PIAS1: variants seen among roughly 807,000 people sequenced by gnomAD.
PIAS1 encodes the protein protein inhibitor of activated STAT 1.
Under a neutral mutation model 71.3 loss-of-function variants are expected in PIAS1, and 6 were observed. That is an observed-to-expected ratio of 0.08 (90% confidence interval 0.05 to 0.17). PIAS1 has a LOEUF of 0.17. PIAS1 is among the 10% of genes least tolerant of loss of function. The probability of loss-of-function intolerance (pLI) is 1.00; values close to 1 mark genes in which losing one functional copy is unlikely to be tolerated. For synonymous variants in PIAS1, 303 were observed against 292.9 expected, an observed-to-expected ratio of 1.03 and a Z score of -0.35; for missense variants, 555 against 793.6, an observed-to-expected ratio of 0.70 and a Z score of 3.61.
intron 2 of PIAS1, among the ~76,000 whole-genome samples, chr15:68,090,407 A>G (rs986602143): frequency 1.3e-5 from 2 of 150,054 alleles, no homozygotes; most frequent in Non-Finnish European, 3.0e-5. Flanking sequence ...AGGTCTCATT[A>G]TGTTGCCCAG....
At position 68,167,640 on chromosome 15, in the gene PIAS1, A is replaced by G. The variant is rs756860162; in HGVS notation, c.1008+2836A>G. The stretch of plus-strand genomic sequence containing the variant: ...CGTGGAATTGATAGAAGAAAAGAAG[A>G]TAAACTCTGGAAATGTATTTATGAA... On this transcript the variant is annotated intron_variant, in intron 8 of 13. Coordinates refer to ENST00000249636, the MANE Select transcript of PIAS1 (RefSeq NM_016166.3). The surrounding 1 kb of genome is among the most constrained non-coding windows in gnomAD (Gnocchi z 4.4). 1.4e-4 allele frequency among the ~76,000 whole-genome samples: 21 copies of G among 152,238 alleles called. No individual in the cohort carries two copies. The highest frequency in any genetic ancestry group is 2.4e-4 in the Non-Finnish European group (16 of 68,040).
chr15:68,092,557 G>C (rs1288569743), intron 2 of PIAS1, among the ~76,000 whole-genome samples: 1 of 152,190 alleles, frequency 6.6e-6, no homozygotes, highest in East Asian at 1.9e-4. Flanking sequence ...GCTGTGGTCT[G>C]AATGTGTCCC....
chr15:68,130,901 A>G (rs1285454918), intron 2 of PIAS1, among the ~76,000 whole-genome samples: 1 of 152,202 alleles, frequency 6.6e-6, no homozygotes, highest in Non-Finnish European at 1.5e-5. Flanking sequence ...GCTAACATTT[A>G]TTGACTGCTT....
chr15:68,105,159 G>A (rs893312393), intron 2 of PIAS1, among the ~76,000 whole-genome samples: 1 of 152,084 alleles, frequency 6.6e-6, no homozygotes, highest in African/African-American at 2.4e-5. Flanking sequence ...GGAAATTCAG[G>A]TTTTCAGGTT....
At chr15:68,114,055 CACACACTT>C (rs879290790) in intron 2 of PIAS1, among the ~76,000 whole-genome samples, 360 of 118,792 alleles carry the variant, frequency 3.0e-3, no homozygotes, top group African/African-American at 7.2e-3. Context: ...CACACACACA[CACACACTT>C]ATATACATGT....
chr15:68,119,499 T>C (rs2092596263), intron 2 of PIAS1, among the ~76,000 whole-genome samples: 1 of 152,068 alleles, frequency 6.6e-6, no homozygotes, highest in Non-Finnish European at 1.5e-5. Flanking sequence ...ATATTTCTGT[T>C]ATTTAGTTTA....
chr15:68,105,252 T>C (rs1382569835), intron 2 of PIAS1, among the ~76,000 whole-genome samples: 2 of 152,234 alleles, frequency 1.3e-5, no homozygotes, highest in Non-Finnish European at 2.9e-5. Flanking sequence ...CTCTAACTTA[T>C]ATTTTTACTT....
chr15:68,170,786 G>T (rs942591798), intron 8 of PIAS1, among the ~76,000 whole-genome samples: 1 of 151,930 alleles, frequency 6.6e-6, no homozygotes, highest in Admixed American at 6.6e-5. Flanking sequence ...GATCCCAGAC[G>T]TGTGCCACCA....
intron 2 of PIAS1, among the ~76,000 whole-genome samples, chr15:68,121,215 G>C (rs1472819589): frequency 2.7e-5 from 4 of 148,702 alleles, no homozygotes; most frequent in African/African-American, 9.8e-5. Flanking sequence ...CTTTGTTTTT[G>C]TAAGATGTTT....
intron 2 of PIAS1, among the ~76,000 whole-genome samples, chr15:68,132,039 AAAAAAAAAAAAGAAAAG>A (rs1182836775): frequency 6.6e-6 from 1 of 150,722 alleles, no homozygotes; most frequent in Non-Finnish European, 1.5e-5. Context: ...CTCCTCTAAA[AAAAAAAAAAAAGAAAAG>A]AAAAGAAAAA....
intron 2 of PIAS1, among the ~76,000 whole-genome samples, chr15:68,107,465 C>G (rs1392377695): frequency 6.6e-6 from 1 of 152,170 alleles, no homozygotes; most frequent in Admixed American, 6.5e-5. Flanking sequence ...ATGCCTGGAA[C>G]TTCTGGTTCA....
chr15:68,128,085 T>C (rs939032667), intron 2 of PIAS1, among the ~76,000 whole-genome samples: 1 of 152,146 alleles, frequency 6.6e-6, no homozygotes, highest in African/African-American at 2.4e-5. Context: ...TTTAGATCTT[T>C]TGTTTAGGCA....
intron 1 of PIAS1, among the ~76,000 whole-genome samples, chr15:68,084,266 A>C (rs777568316): frequency 6.6e-6 from 1 of 152,150 alleles, no homozygotes; most frequent in Non-Finnish European, 1.5e-5. Flanking sequence ...TGTAAAATGC[A>C]GTACATTTGA....
At chr15:68,109,244 G>A (rs8031079) in intron 2 of PIAS1, among the ~76,000 whole-genome samples, 2 of 151,908 alleles carry the variant, frequency 1.3e-5, no homozygotes, top group African/African-American at 4.8e-5. Flanking sequence ...GTATTAATAT[G>A]TCTGATGAGA....
At chr15:68,076,984 G>A (rs1319565095) in intron 1 of PIAS1, among the ~76,000 whole-genome samples, 2 of 152,166 alleles carry the variant, frequency 1.3e-5, no homozygotes, top group African/African-American at 4.8e-5. Context: ...AGGCTGGAAT[G>A]AAGAGCTGAA....
At chr15:68,056,473 GT>G (rs544305318) in intron 1 of PIAS1, among the ~76,000 whole-genome samples, 1 of 151,726 alleles carries the variant, frequency 6.6e-6, no homozygotes, top group Non-Finnish European at 1.5e-5. Context: ...AATTAATCTC[GT>G]TTTTTGTGCT....
At chr15:68,180,470 A>T (rs553375306) in intron 11 of PIAS1, among the ~76,000 whole-genome samples, 13 of 151,806 alleles carry the variant, frequency 8.6e-5, no homozygotes, top group African/African-American at 2.9e-4. Context: ...TAAATTTTAA[A>T]AAAAAAGCTA....
intron 2 of PIAS1, among the ~76,000 whole-genome samples, chr15:68,109,569 A>G (rs938245729): frequency 2.0e-5 from 3 of 152,198 alleles, no homozygotes; most frequent in African/African-American, 7.2e-5. Context: ...TTTAGGCATT[A>G]TATGGGTCCC....
intron 1 of PIAS1, among the ~76,000 whole-genome samples, chr15:68,075,370 G>A (rs949074260): frequency 5.3e-5 from 8 of 152,028 alleles, no homozygotes; most frequent in Admixed American, 5.2e-4. Flanking sequence ...ACAGGCGTGA[G>A]CCACTGTGCC....
Sources: gnomAD v4.1 joint callset for allele counts (sites outside exome capture counted in the v4.1 genomes callset) on GRCh38, gnomAD v4.1.1 for gene constraint, Gnocchi (gnomAD v3.1) non-coding constraint, MANE v1.5 for transcripts, NCBI Gene and HGNC (gene_info 2026-07-23, HGNC 2026-07-21) for gene names.